PHF21A: variants seen among roughly 807,000 people sequenced by gnomAD.
The protein encoded by PHF21A is BHC80a.
Under a neutral mutation model 82.5 loss-of-function variants are expected in PHF21A, and 11 were observed. That is an observed-to-expected ratio of 0.13 (90% CI 0.08 to 0.22). The LOEUF (loss-of-function observed/expected upper bound fraction) is 0.22. Ranked by LOEUF, PHF21A falls within the 10% of genes least tolerant of loss-of-function variation. The probability of loss-of-function intolerance (pLI) is 1.00; values close to 1 mark genes in which losing one functional copy is unlikely to be tolerated. For synonymous variants in PHF21A, 297 were observed against 302.8 expected, an observed-to-expected ratio of 0.98 and a Z score of 0.20; for missense variants, 579 against 837.8, an observed-to-expected ratio of 0.69 and a Z score of 3.81.
chr11:45,979,601 G>A (rs960715741), intron 7 of PHF21A, among the ~76,000 whole-genome samples, 159 bp downstream of exon 7: 1 of 152,190 alleles, frequency 6.6e-6, no homozygotes, highest in Non-Finnish European at 1.5e-5. Flanking sequence ...ATGATTACAA[G>A]TGATACTTAT....
intron 1 of PHF21A, among the ~76,000 whole-genome samples, chr11:46,094,892 C>G (rs1186341182): frequency 2.6e-5 from 4 of 152,072 alleles, no homozygotes; most frequent in Non-Finnish European, 5.9e-5. Flanking sequence ...GAGTGAGTCT[C>G]CGTCCCAAAA....
At chr11:46,058,768 T>G (rs1316791033) in intron 6 of PHF21A, among the ~76,000 whole-genome samples, 1 of 152,164 alleles carries the variant, frequency 6.6e-6, no homozygotes, top group Non-Finnish European at 1.5e-5. Flanking sequence ...AGCAGGCTTA[T>G]TACATTCTCT....
At chr11:46,065,740 T>C (rs905185932) in intron 6 of PHF21A, among the ~76,000 whole-genome samples, 6 of 152,194 alleles carry the variant, frequency 3.9e-5, no homozygotes, top group Admixed American at 3.9e-4. Flanking sequence ...TTAACAAAAG[T>C]TGTTTAAGCG....
intron 7 of PHF21A, among the ~76,000 whole-genome samples, chr11:45,971,890 C>CTTTCTTTTTTTT (rs57081937): frequency 0.016 from 814 of 50,280 alleles, 191 homozygotes; most frequent in African/African-American, 0.049. Context: ...CTTTTTCTTT[C>CTTTCTTTTTTTT]TTTTTTTTTT....
In PHF21A at chr11:45,938,460, C is replaced by G; in HGVS notation, c.1453-148G>C. 3 of 649,954 alleles carry G rather than the reference C, an allele frequency of 4.6e-6. No homozygotes were observed. In the South Asian group the frequency reaches 5.9e-5, roughly 13 times the overall value. 40.3% of individuals were successfully genotyped at this position (649,954 alleles called of 1,614,324 possible). A position where few individuals can be genotyped will look rare whatever the true frequency, so the allele number is the denominator to read the frequency against. Reference sequence around the variant, plus strand: ...CAAGAGAAGCAGGAATCACCAATAGCACATGCCCCTACTCACTCCACATAG... The same window carrying G: ...CAAGAGAAGCAGGAATCACCAATAGGACATGCCCCTACTCACTCCACATAG... On this transcript the variant is annotated intron_variant, in intron 15 of 18. Coordinates refer to ENST00000676320, the MANE Select transcript of PHF21A (RefSeq NM_001352027.3).
intron 9 of PHF21A, among the ~76,000 whole-genome samples, chr11:45,969,197 C>G (rs1200867753): frequency 1.3e-5 from 2 of 152,146 alleles, no homozygotes; most frequent in Non-Finnish European, 2.9e-5. Context: ...GTCAACACTC[C>G]TCAAGGTCCA....
At position 45,938,320 on chromosome 11, in the gene PHF21A, G is replaced by T; in HGVS notation, c.1453-8C>A. ...ATCCTCATGAATATCACCCTATAAA[G>T]TTGAGAGGAAAGGTAAGAAAAAGGA... On this transcript the variant is annotated splice_region_variant and splice_polypyrimidine_tract_variant and intron_variant, in intron 15 of 18. Transcript: ENST00000676320. 1 of 1,602,744 alleles carries T rather than the reference G, an allele frequency of 6.2e-7. No homozygotes were observed.
intron 6 of PHF21A, among the ~76,000 whole-genome samples, chr11:45,990,065 G>C (rs1276896514): frequency 6.6e-6 from 1 of 152,042 alleles, no homozygotes; most frequent in East Asian, 1.9e-4. Flanking sequence ...ATTTTTCACA[G>C]GTGATGAAAA....
At chr11:46,024,683 C>T (rs1417528748) in intron 6 of PHF21A, among the ~76,000 whole-genome samples, 1 of 152,080 alleles carries the variant, frequency 6.6e-6, no homozygotes, top group African/African-American at 2.4e-5. Flanking sequence ...CGCCTATAAT[C>T]CCAGTACTCA....
intron 3 of PHF21A, among the ~76,000 whole-genome samples, chr11:46,084,685 T>C (rs896301408): frequency 6.6e-6 from 1 of 151,460 alleles, no homozygotes; most frequent in African/African-American, 2.4e-5. Flanking sequence ...TCATAATTTT[T>C]TTTTTTTTTT....
intron 10 of PHF21A, among the ~76,000 whole-genome samples, chr11:45,961,907 TC>T (rs1403671794): frequency 6.6e-6 from 1 of 152,202 alleles, no homozygotes; most frequent in African/African-American, 2.4e-5. Context: ...TCACTTGTTT[TC>T]TCAGAGCCAC....
At chr11:45,936,664 T>A in intron 16 of PHF21A, 95 bp from the exon 17 acceptor site, 1 of 830,010 alleles carries the variant, frequency 1.2e-6, no homozygotes, top group Non-Finnish European at 2.1e-6. Flanking sequence ...TACTGGCAGA[T>A]AAAATCCAGG....
At chr11:46,047,857 TA>T (rs1285962654) in intron 6 of PHF21A, among the ~76,000 whole-genome samples, 2 of 152,232 alleles carry the variant, frequency 1.3e-5, no homozygotes, top group African/African-American at 4.8e-5. Flanking sequence ...GCAAATAAGT[TA>T]TTACCATTAT....
chr11:46,086,267 C>T (rs1260666860), intron 3 of PHF21A, among the ~76,000 whole-genome samples: 2 of 151,932 alleles, frequency 1.3e-5, no homozygotes, highest in Non-Finnish European at 2.9e-5. Context: ...TACAGGTGCC[C>T]GCCACTACAC....
At chr11:45,971,411 TA>T (rs752069857) in intron 7 of PHF21A, 44 bp from the exon 8 acceptor site, 27 of 1,541,404 alleles carry the variant, frequency 1.8e-5, no homozygotes, top group Non-Finnish European at 2.3e-5. Flanking sequence ...AAATCTAAAC[TA>T]AATAATAAAC....
intron 1 of PHF21A, among the ~76,000 whole-genome samples, chr11:46,105,169 A>G (rs1245000566): frequency 2.6e-5 from 4 of 152,200 alleles, no homozygotes; most frequent in African/African-American, 4.8e-5. Context: ...ATACGTGGCA[A>G]AGCTAGGATC....
chr11:45,935,502 T>C, intron 18 of PHF21A, 134 bp downstream of exon 18: 1 of 681,380 alleles, frequency 1.5e-6, no homozygotes, highest in South Asian at 1.7e-5. Flanking sequence ...CAAACTGCAT[T>C]TGCCCAAGTT....
intron 6 of PHF21A, among the ~76,000 whole-genome samples, chr11:46,015,591 T>C (rs2095500726): frequency 6.6e-6 from 1 of 152,174 alleles, no homozygotes; most frequent in Non-Finnish European, 1.5e-5. Context: ...TTAAAACACA[T>C]TGTACAGTTG....
intron 1 of PHF21A, among the ~76,000 whole-genome samples, chr11:46,115,859 A>G (rs1173281226): frequency 6.6e-6 from 1 of 152,216 alleles, no homozygotes; most frequent in East Asian, 1.9e-4. Flanking sequence ...ATATAAGCTT[A>G]ACTTCAGTAT....
Sources: allele counts gnomAD v4.1 joint callset (sites outside exome capture counted in the v4.1 genomes callset), GRCh38; gene constraint gnomAD v4.1.1; transcripts MANE v1.5; gene names NCBI Gene and HGNC (gene_info 2026-07-23, HGNC 2026-07-21).